The following STK3 variants were observed in gnomAD, a reference collection of about 807,000 sequenced individuals.
STK3 encodes serine/threonine kinase 3.
Under a neutral mutation model 58.0 loss-of-function variants are expected in STK3, and 41 were observed. That is an observed-to-expected ratio of 0.71 (90% CI 0.55 to 0.92). The LOEUF is 0.92. Ranked by LOEUF, STK3 falls within the 40% of genes least tolerant of loss-of-function variation. The pLI is 0.00. For missense variants in STK3, 479 were observed against 602.7 expected (o/e 0.79, Z 2.15); for synonymous variants, 170 against 191.0 (o/e 0.89, Z 0.91).
chr8:98,711,039 G>C (rs987194377), intron 4 of STK3, among the ~76,000 whole-genome samples: 5 of 152,158 alleles, frequency 3.3e-5, no homozygotes, highest in African/African-American at 1.2e-4. Context: ...AGTCTGGAGT[G>C]GACCTCCAGC....
At chr8:98,538,892 C>T (rs554286280) in intron 9 of STK3, among the ~76,000 whole-genome samples, 588 of 152,294 alleles carry the variant, frequency 3.9e-3, no homozygotes, top group Non-Finnish European at 6.4e-3. Context: ...ACTGCAGCCA[C>T]ACCTTACCTG....
At chr8:98,696,425 G>C (rs972144421) in intron 6 of STK3, among the ~76,000 whole-genome samples, 1 of 151,390 alleles carries the variant, frequency 6.6e-6, no homozygotes, top group African/African-American at 2.4e-5. Context: ...GGGCATCCCT[G>C]TCTTGTGCCA....
At chr8:98,714,549 A>G (rs1826833504) in intron 4 of STK3, among the ~76,000 whole-genome samples, 1 of 152,234 alleles carries the variant, frequency 6.6e-6, no homozygotes, top group South Asian at 2.1e-4. Context: ...CAAAGAGAAT[A>G]AAATGCCTAG....
intron 1 of STK3, chr8:98,782,188 T>G (rs1177211307): frequency 5.0e-6 from 1 of 200,990 alleles, no homozygotes; most frequent in East Asian, 1.3e-4. Flanking sequence ...GATGGGCTGA[T>G]TATCCATAAG....
At chr8:98,663,645 G>C (rs1260140242) in intron 6 of STK3, among the ~76,000 whole-genome samples, 1 of 152,124 alleles carries the variant, frequency 6.6e-6, no homozygotes, top group Non-Finnish European at 1.5e-5. Context: ...TGATAGAGTG[G>C]ATTAAGAAAA....
At chr8:98,646,989 C>T (rs1055247817) in intron 6 of STK3, among the ~76,000 whole-genome samples, 1 of 152,144 alleles carries the variant, frequency 6.6e-6, no homozygotes, top group Admixed American at 6.5e-5. Flanking sequence ...GATCTTATCA[C>T]TCTGCTGCTC....
At chr8:98,928,624 G>A (rs72668457) in intron 1 of STK3, among the ~76,000 whole-genome samples, 12,285 of 152,236 alleles carry the variant, frequency 0.081, 546 homozygotes, top group South Asian at 0.1. Flanking sequence ...TAATACAAGC[G>A]AAACTCTTAG....
intron 10 of STK3, among the ~76,000 whole-genome samples, chr8:98,507,007 G>C (rs532444641): frequency 1.3e-5 from 2 of 152,274 alleles, no homozygotes; most frequent in South Asian, 2.1e-4. Flanking sequence ...TGTTACAGCA[G>C]CCATGGGAAA....
In STK3 at chr8:98,747,133, A is replaced by G. The variant is rs149502470; in HGVS notation, c.351+2143T>C. Among the ~76,000 whole-genome samples, 1,004 of 151,880 alleles carry G rather than the reference A, an allele frequency of 6.6e-3. 8 individuals carry two copies. The highest frequency in any genetic ancestry group is 0.023 in the African/African-American group (940 of 41,474). ...GACATTATCATCATACCCACCACAC[A>G]TAAGGAAATACTAACAGATATTCTT... is the stretch of plus-strand genomic sequence containing the variant. On this transcript the variant is annotated intron_variant, in intron 4 of 10. Coordinates refer to ENST00000419617, the MANE Select transcript of STK3 (RefSeq NM_006281.4).
intron 1 of STK3, among the ~76,000 whole-genome samples, chr8:98,807,024 G>A (rs1286653412): frequency 6.6e-6 from 1 of 151,768 alleles, no homozygotes; most frequent in African/African-American, 2.4e-5. Flanking sequence ...CGTGGTGGCG[G>A]GCACCTGTAG....
intron 6 of STK3, among the ~76,000 whole-genome samples, chr8:98,635,487 C>G (rs1819550612): frequency 6.6e-6 from 1 of 152,078 alleles, no homozygotes; most frequent in East Asian, 1.9e-4. Flanking sequence ...GAAAATGGAA[C>G]CCAGGCAGTC....
At chr8:98,456,433 A>C (rs1372986222) in intron 10 of STK3, among the ~76,000 whole-genome samples, 3 of 152,256 alleles carry the variant, frequency 2.0e-5, no homozygotes, top group Non-Finnish European at 4.4e-5. Context: ...GAATGTGACA[A>C]GACTGAATAA....
chr8:98,938,496 A>T lies in STK3; in HGVS notation c.-79+3882T>A, dbSNP rs190303681. ...GGACTTGATTCCATCTTAAGGTGAC[A>T]AATCAGGACGCCAATGCTGGATGCA... On this transcript the variant is annotated intron_variant, in intron 1 of 1. Transcript: ENST00000519420. Among the ~76,000 whole-genome samples, 3 of 152,366 alleles carry T rather than the reference A, an allele frequency of 2.0e-5. No individual in the cohort carries two copies. In the East Asian group the frequency reaches 5.8e-4, roughly 29 times the overall value.
intron 10 of STK3, among the ~76,000 whole-genome samples, chr8:98,484,209 A>G (rs1468208340): frequency 6.8e-6 from 1 of 147,994 alleles, no homozygotes; most frequent in Non-Finnish European, 1.5e-5. Flanking sequence ...GGCCATTTAA[A>G]CAAAGAAAAT....
chr8:98,431,033 C>T (rs756288884), intron 3 of STK3: 2 of 167,004 alleles, frequency 1.2e-5, no homozygotes, highest in Non-Finnish European at 2.9e-5. Context: ...ATTATTGTTC[C>T]ATCTTTGAAA....
At chr8:98,758,699 C>G (rs1830443186) in intron 3 of STK3, among the ~76,000 whole-genome samples, 1 of 152,230 alleles carries the variant, frequency 6.6e-6, no homozygotes, top group African/African-American at 2.4e-5. Flanking sequence ...TAGATGGCAT[C>G]TCCTTCCAGT....
chr8:98,575,189 G>T (rs190151677), intron 8 of STK3, among the ~76,000 whole-genome samples: 1 of 152,292 alleles, frequency 6.6e-6, no homozygotes, highest in East Asian at 1.9e-4. Flanking sequence ...GATAGTGCGT[G>T]TATTTTGCAT....
At chr8:98,536,393 C>G (rs561810281) in intron 9 of STK3, among the ~76,000 whole-genome samples, 18 of 152,066 alleles carry the variant, frequency 1.2e-4, no homozygotes, top group Admixed American at 4.6e-4. Context: ...TTTGAAGCTG[C>G]AATAAGCTAT....
At chr8:98,895,638 T>C (rs184575513) in intron 1 of STK3, among the ~76,000 whole-genome samples, 98 of 152,288 alleles carry the variant, frequency 6.4e-4, no homozygotes, top group African/African-American at 2.2e-3. Flanking sequence ...GCAGCCATCC[T>C]CCAACATGAG....
Sources: gnomAD v4.1 joint callset for allele counts (sites outside exome capture counted in the v4.1 genomes callset) on GRCh38, gnomAD v4.1.1 for gene constraint, MANE v1.5 for transcripts, NCBI Gene and HGNC (gene_info 2026-07-23, HGNC 2026-07-21) for gene names.